The following NUP214 variants were observed in gnomAD, a reference collection of about 807,000 sequenced individuals.
NUP214 encodes the protein nucleoporin 214.
A neutral mutation model predicts 196.2 loss-of-function variants in NUP214; 79 were observed. That is an observed-to-expected ratio of 0.40 (90% CI 0.34 to 0.49). The LOEUF is 0.49. Ranked by LOEUF, NUP214 falls within the 20% of genes least tolerant of loss-of-function variation. NUP214 has a pLI of 0.58. For missense variants in NUP214, 2,468 were observed against 2,539.0 expected (o/e 0.97, Z 0.60); for synonymous variants, 1,020 against 990.5 (o/e 1.03, Z -0.56).
chr9:131,132,709 T>C, intron 6 of NUP214, 50 bp downstream of exon 6: 1 of 1,488,126 alleles, frequency 6.7e-7, no homozygotes, highest in Non-Finnish European at 9.4e-7. Flanking sequence ...ATGTTATGTA[T>C]ATTACAGAAA....
intron 13 of NUP214, among the ~76,000 whole-genome samples, chr9:131,147,122 G>A (rs1424772467): frequency 6.6e-6 from 1 of 151,880 alleles, no homozygotes; most frequent in Non-Finnish European, 1.5e-5. Flanking sequence ...GAGTAGCTGG[G>A]ACTACAGGCA....
At chr9:131,154,837 G>A (rs1206327933) in intron 17 of NUP214, among the ~76,000 whole-genome samples, 1 of 152,154 alleles carries the variant, frequency 6.6e-6, no homozygotes, top group Non-Finnish European at 1.5e-5. Flanking sequence ...GTGTGTGTGT[G>A]TGTGTGCGCA....
intron 22 of NUP214, among the ~76,000 whole-genome samples, 196 bp downstream of exon 22, chr9:131,174,514 T>C (rs1483252622): frequency 7.3e-6 from 1 of 136,638 alleles, no homozygotes. Context: ...AATGGCGCGA[T>C]CTAGGCTCAC....
intron 17 of NUP214, among the ~76,000 whole-genome samples, chr9:131,152,942 A>G (rs1035558305): frequency 6.6e-6 from 1 of 151,862 alleles, no homozygotes; most frequent in African/African-American, 2.4e-5. Context: ...CACCCAGCTG[A>G]TTTTTAAATT....
intron 10 of NUP214, among the ~76,000 whole-genome samples, chr9:131,140,196 T>C (rs1358288933): frequency 6.6e-6 from 1 of 152,206 alleles, no homozygotes; most frequent in Non-Finnish European, 1.5e-5. Context: ...AAGTACTTCT[T>C]AGATATTCTT....
intron 17 of NUP214, among the ~76,000 whole-genome samples, chr9:131,152,979 T>A (rs148286473): frequency 1.2e-3 from 179 of 152,210 alleles, no homozygotes; most frequent in Non-Finnish European, 2.3e-3. Context: ...TCTCACTACA[T>A]TATCCAGGCT....
Position 131,146,183 on chromosome 9 carries a change from G to T in NUP214, c.1824G>T (p.Pro608=). ...TPVSSSQSAP[P]MSPFSSASKP... is the part of the protein sequence containing the mutation. ...TTAGTAGCTCCCAGAGCGCACCCCC[G>T]ATGTCGCCATTCTCTTCTGCCTCCA... Residue 608 remains proline (P), a synonymous_variant, in exon 13 of 36, where the codon CCG becomes CCT. Transcript: ENST00000359428. This position sits in a 1 kb window ranked among gnomAD's most constrained non-coding sequence, Gnocchi z 4.6. 1 of 1,614,064 alleles carries T rather than the reference G, an allele frequency of 6.2e-7. No individual in the cohort carries two copies. Among genetic ancestry groups the T allele is most frequent in the South Asian group, 1.1e-5 (1 of 91,076 alleles).
intron 33 of NUP214, chr9:131,229,766 A>C (rs1394530761): frequency 1.9e-6 from 1 of 518,792 alleles, no homozygotes; most frequent in Non-Finnish European, 3.8e-6. Context: ...GAGAAAGTCC[A>C]ATGAGAGCAG....
chr9:131,198,892 C>A lies in NUP214; in HGVS notation c.5398C>A (p.Gln1800Lys), dbSNP rs780551381. ...SPNTGGGLFG[Q>K]SNAPAFGQSP... ...CAACACAGGAGGGGGGCTGTTTGGC[C>A]AAAGCAACGCTCCTGCTTTTGGGCA... Residue 1800 changes from glutamine (Q) to lysine (K), a missense_variant, in exon 29 of 36, where the codon CAA becomes AAA. Gln to Lys is a moderately conservative substitution (Grantham distance 53). Transcript: ENST00000359428. The A allele has an allele frequency of 4.3e-6, 7 of 1,614,166 alleles. No individual in the cohort carries two copies. Among genetic ancestry groups the A allele is most frequent in the Non-Finnish European group, 3.4e-6 (4 of 1,180,038 alleles).
At chr9:131,139,174 G>C (rs1831830335) in intron 9 of NUP214, 107 bp from the exon 10 acceptor site, 3 of 1,239,424 alleles carry the variant, frequency 2.4e-6, no homozygotes, top group South Asian at 4.2e-5. Context: ...AGTCATCTCT[G>C]TTCTCCTATT....
At chr9:131,206,678 G>A (rs1834097808) in intron 30 of NUP214, among the ~76,000 whole-genome samples, 1 of 152,086 alleles carries the variant, frequency 6.6e-6, no homozygotes, top group Non-Finnish European at 1.5e-5. Flanking sequence ...CCTGGCCCAA[G>A]TGATCCTCCC....
chr9:131,189,665 A>T (rs1043832355), intron 26 of NUP214, among the ~76,000 whole-genome samples: 3 of 152,204 alleles, frequency 2.0e-5, no homozygotes, highest in Admixed American at 6.5e-5. Context: ...TCCTACACTC[A>T]CTCAAGCATA....
intron 31 of NUP214, among the ~76,000 whole-genome samples, chr9:131,217,120 C>T (rs910337585): frequency 6.6e-6 from 1 of 152,160 alleles, no homozygotes; most frequent in Non-Finnish European, 1.5e-5. Context: ...CTTCTAAACT[C>T]CTAAATCAAA....
chr9:131,215,791 T>C (rs1177178573), intron 31 of NUP214, among the ~76,000 whole-genome samples: 4 of 152,224 alleles, frequency 2.6e-5, no homozygotes, highest in Non-Finnish European at 4.4e-5. Context: ...ATTCAGCTCC[T>C]GTAGGGAGAT....
In NUP214 at chr9:131,146,334, T is replaced by C; in HGVS notation, c.1945+30T>C. The C allele has an allele frequency of 6.2e-7, 1 of 1,601,480 alleles. No individual in the cohort carries two copies. The highest frequency in any genetic ancestry group is 1.3e-5 in the African/African-American group (1 of 74,770). On this transcript the variant is annotated intron_variant, in intron 13 of 35. Transcript: ENST00000359428. The surrounding 1 kb of genome is among the most constrained non-coding windows in gnomAD (Gnocchi z 4.6). ...GATTTTAAGCAGACAACTTTAGACC[T>C]CAGCCCTGCCTTCTCAGATTAACGG...
intron 20 of NUP214, 39 bp downstream of exon 20, chr9:131,163,994 C>T (rs754046210): frequency 3.1e-6 from 5 of 1,611,972 alleles, no homozygotes; most frequent in Non-Finnish European, 4.2e-6. Context: ...TCCCTTTATT[C>T]TCTTCCAAGT....
At chr9:131,207,467 G>T (rs2131065345) in intron 30 of NUP214, among the ~76,000 whole-genome samples, 1 of 152,350 alleles carries the variant, frequency 6.6e-6, no homozygotes, top group East Asian at 1.9e-4. Flanking sequence ...GGCCTATGTA[G>T]CCTGGGCTTC....
At chr9:131,215,499 C>A in intron 31 of NUP214, 131 bp downstream of exon 31, 1 of 1,019,106 alleles carries the variant, frequency 9.8e-7, no homozygotes, top group Non-Finnish European at 1.3e-6. Context: ...AATATCTTCC[C>A]CAAAGCAGTG....
Position 131,198,499 on chromosome 9 carries a change from T to A in NUP214, c.5005T>A (p.Ser1669Thr). Residue 1669 changes from serine to threonine, a missense_variant, in exon 29 of 36, where the codon TCT becomes ACT. Physicochemically the swap from Ser to Thr is moderately conservative, Grantham distance 58 (BLOSUM62 1). Transcript: ENST00000359428. ...CACCAACAACACAGCCACTGCCCCC[T>A]CTGCCACGCCCGTGTTTGGGCAAGT... ...QLTNNTATAP[S>T]ATPVFGQVAA... is the part of the protein sequence containing the mutation. 6.2e-7 allele frequency: 1 copy of A among 1,614,200 alleles called. No individual in the cohort carries two copies. Among genetic ancestry groups the A allele is most frequent in the Non-Finnish European group, 8.5e-7 (1 of 1,180,044 alleles).
Sources: allele counts gnomAD v4.1 joint callset (sites outside exome capture counted in the v4.1 genomes callset), GRCh38; gene constraint gnomAD v4.1.1; non-coding constraint Gnocchi (gnomAD v3.1); transcripts MANE v1.5; gene names NCBI Gene and HGNC (gene_info 2026-07-23, HGNC 2026-07-21).